Variants in OCA2 observed in about 807,000 individuals in gnomAD.
OCA2 encodes the protein OCA2 melanosomal transmembrane protein, also known as P protein.
A neutral mutation model predicts 100.2 loss-of-function variants in OCA2; 77 were observed. That is an observed-to-expected ratio of 0.77 (90% CI 0.64 to 0.93). The LOEUF (loss-of-function observed/expected upper bound fraction) is 0.93, where lower values mean the gene tolerates loss of function less well. OCA2 is among the 40% of genes least tolerant of loss of function. OCA2 has a pLI of 0.00. For synonymous variants in OCA2, 432 were observed against 439.2 expected (o/e 0.98, Z 0.21); for missense variants, 1,062 against 1,089.1 (o/e 0.98, Z 0.35).
chr15:28,097,110 C>G (rs1392686664), intron 1 of OCA2, among the ~76,000 whole-genome samples: 1 of 152,224 alleles, frequency 6.6e-6, no homozygotes, highest in Non-Finnish European at 1.5e-5. Flanking sequence ...CTCGAAACAC[C>G]GGACCTGCTC....
chr15:27,946,426 A>G (rs1362537749), intron 18 of OCA2, among the ~76,000 whole-genome samples: 1 of 152,344 alleles, frequency 6.6e-6, no homozygotes, highest in Non-Finnish European at 1.5e-5. Context: ...AACCACTCAT[A>G]GGCTGCTGTA....
At chr15:27,793,162 C>G (rs1222537310) in intron 23 of OCA2, among the ~76,000 whole-genome samples, 1 of 152,170 alleles carries the variant, frequency 6.6e-6, no homozygotes, top group Admixed American at 6.5e-5. Context: ...TGGGGCTTGG[C>G]TACTCAAAGC....
chr15:27,910,659 A>T (rs893960219), intron 19 of OCA2, among the ~76,000 whole-genome samples: 3 of 75,822 alleles, frequency 4.0e-5, no homozygotes, highest in Admixed American at 1.6e-4. Context: ...TATTTATGTT[A>T]AAAAAAAAAA....
At chr15:28,027,736 G>A in intron 4 of OCA2, 135 bp downstream of exon 4, 4 of 913,490 alleles carry the variant, frequency 4.4e-6, no homozygotes, top group East Asian at 2.6e-5. Context: ...CACCTTGGAG[G>A]AAAAGTGCAG....
chr15:27,856,021 G>A (rs925869656), intron 21 of OCA2, among the ~76,000 whole-genome samples: 7 of 152,192 alleles, frequency 4.6e-5, no homozygotes, highest in African/African-American at 9.6e-5. Flanking sequence ...TGGCCTGGCT[G>A]TGCTCTCTGA....
chr15:27,747,568 G>A, the OCA2 span, among the ~76,000 whole-genome samples: 1 of 152,136 alleles, frequency 6.6e-6, no homozygotes, highest in African/African-American at 2.4e-5. Flanking sequence ...GTGAGCAGTG[G>A]TTCTCAGTGC....
At chr15:28,071,194 C>G (rs983466898) in intron 2 of OCA2, among the ~76,000 whole-genome samples, 2 of 130,844 alleles carry the variant, frequency 1.5e-5, no homozygotes, top group South Asian at 2.5e-4. Flanking sequence ...AAGAAAAACA[C>G]CTAGGAATAC....
At chr15:28,088,067 GA>G (rs374979132) in intron 1 of OCA2, among the ~76,000 whole-genome samples, 2,736 of 143,432 alleles carry the variant, frequency 0.019, 73 homozygotes, top group African/African-American at 0.066. Flanking sequence ...CATCTCAAAG[GA>G]AAAAAAAAAA....
intron 15 of OCA2, among the ~76,000 whole-genome samples, chr15:27,964,588 G>C (rs2040504801): frequency 6.6e-6 from 1 of 152,198 alleles, no homozygotes; most frequent in Non-Finnish European, 1.5e-5. Context: ...AGTCCATTGG[G>C]GAGGGGGCGG....
the OCA2 span, among the ~76,000 whole-genome samples, chr15:27,726,832 G>T: frequency 6.6e-6 from 1 of 152,200 alleles, no homozygotes; most frequent in Admixed American, 6.5e-5. Context: ...AAGAAGAAAT[G>T]TTCTTCGTCT....
chr15:27,932,370 G>A (rs1170777912), intron 18 of OCA2, among the ~76,000 whole-genome samples: 2 of 152,156 alleles, frequency 1.3e-5, no homozygotes, highest in Non-Finnish European at 2.9e-5. Context: ...CAGATGCCTG[G>A]GGAAAAGACA....
At chr15:28,059,689 C>T (rs2043812149) in intron 2 of OCA2, among the ~76,000 whole-genome samples, 1 of 151,434 alleles carries the variant, frequency 6.6e-6, no homozygotes, top group African/African-American at 2.4e-5. Flanking sequence ...AAGTCTTCTG[C>T]AGATTTTCCA....
intron 18 of OCA2, among the ~76,000 whole-genome samples, chr15:27,926,780 C>T (rs1031750923): frequency 1.3e-5 from 2 of 151,814 alleles, no homozygotes; most frequent in African/African-American, 4.8e-5. Context: ...ACCCAGTTAA[C>T]TTTTTCTATT....
At chr15:27,861,394 A>T (rs973127133) in intron 21 of OCA2, among the ~76,000 whole-genome samples, 56 of 148,262 alleles carry the variant, frequency 3.8e-4, no homozygotes, top group African/African-American at 1.4e-3. Flanking sequence ...GGCTCTGGGG[A>T]GCAGCCCAGG....
At chr15:28,007,587 G>A (rs1190652405) in intron 9 of OCA2, among the ~76,000 whole-genome samples, 6 of 152,192 alleles carry the variant, frequency 3.9e-5, no homozygotes, top group South Asian at 2.1e-4. Context: ...AAAATTAGCC[G>A]GGGGTGGTGT....
intron 23 of OCA2, among the ~76,000 whole-genome samples, chr15:27,821,906 C>A (rs1595466811): frequency 6.6e-6 from 1 of 152,152 alleles, no homozygotes. Flanking sequence ...TTAACAAAAT[C>A]TTTTTGCATA....
intron 1 of OCA2, among the ~76,000 whole-genome samples, chr15:28,082,697 G>C (rs1240463617): frequency 6.6e-6 from 1 of 152,098 alleles, no homozygotes; most frequent in Non-Finnish European, 1.5e-5. Flanking sequence ...TACAACAGAG[G>C]CCCAAAAGAC....
intron 14 of OCA2, among the ~76,000 whole-genome samples, 172 bp downstream of exon 14, chr15:27,983,173 G>A (rs141524589): frequency 6.6e-6 from 1 of 152,320 alleles, no homozygotes; most frequent in East Asian, 1.9e-4. Flanking sequence ...GTTAACTCTA[G>A]GATTGAAGGA....
intron 16 of OCA2, among the ~76,000 whole-genome samples, chr15:27,955,600 T>A (rs1333968646): frequency 6.6e-6 from 1 of 152,194 alleles, no homozygotes; most frequent in African/African-American, 2.4e-5. Context: ...ATGAGGGCAC[T>A]GAACCTATAC....
Sources: gnomAD v4.1 joint callset for allele counts (sites outside exome capture counted in the v4.1 genomes callset) on GRCh38, gnomAD v4.1.1 for gene constraint, MANE v1.5 for transcripts, NCBI Gene and HGNC (gene_info 2026-07-23, HGNC 2026-07-21) for gene names.